The following HDAC2 variants were observed in gnomAD, a reference collection of about 807,000 sequenced individuals.
The protein encoded by HDAC2 is YY1-associated factor 1.
In HDAC2, 5 loss-of-function variants were observed where a neutral mutation model predicts 68.5. That is an observed-to-expected ratio of 0.07 (90% CI 0.04 to 0.15). The LOEUF is 0.15. HDAC2 is among the 10% of genes least tolerant of loss of function. HDAC2 has a pLI of 1.00. For synonymous variants in HDAC2, 182 were observed against 191.3 expected (o/e 0.95, Z 0.40); for missense variants, 291 against 600.8 (o/e 0.48, Z 5.39).
intron 11 of HDAC2, among the ~76,000 whole-genome samples, chr6:113,943,920 T>C (rs533509208): frequency 3.3e-5 from 5 of 152,352 alleles, no homozygotes; most frequent in South Asian, 2.1e-4. Context: ...CATACTGTTA[T>C]GCTACAATCT....
chr6:113,970,604 T>C (rs1047293407), intron 1 of HDAC2: 1 of 1,305,040 alleles, frequency 7.7e-7, no homozygotes, highest in Non-Finnish European at 9.7e-7. Context: ...GGCTGCGGAC[T>C]GCACGGCCGA....
chr6:113,949,322 TTAC>T (rs749738055), intron 6 of HDAC2, 62 bp from the exon 7 acceptor site: 11 of 1,029,092 alleles, frequency 1.1e-5, no homozygotes, highest in Middle Eastern at 2.5e-4. Context: ...TGGCATTTGT[TTAC>T]TACATTTTGA....
chr6:113,940,343 G>GTCTGGTCAATACAAGT lies in HDAC2; in HGVS notation c.*699_*714dup, dbSNP rs1222644082. On this transcript the variant is annotated 3_prime_UTR_variant, in exon 14 of 14. Transcript: ENST00000519065. ...TAAACCAGCAATATACTATAGGCAA[G>GTCTGGTCAATACAAGT]TCTGGTCAATACAAGTTCTGGTCAG... The GTCTGGTCAATACAAGT allele has an allele frequency of 6.6e-6, 1 of 152,184 alleles. No individual in the cohort carries two copies. The highest frequency in any genetic ancestry group is 1.5e-5 in the Non-Finnish European group (1 of 68,020). 9.4% of individuals were successfully genotyped at this position (152,184 alleles called of 1,614,324 possible).
At chr6:113,959,698 T>C (rs1020645807) in intron 2 of HDAC2, 2 of 345,790 alleles carry the variant, frequency 5.8e-6, no homozygotes, top group Admixed American at 9.3e-5. Flanking sequence ...GGGGGAACTT[T>C]TTTAAATGGT....
intron 5 of HDAC2, among the ~76,000 whole-genome samples, chr6:113,954,857 A>G (rs1040864723): frequency 2.6e-5 from 4 of 151,338 alleles, no homozygotes; most frequent in African/African-American, 9.7e-5. Flanking sequence ...AAAATAACTA[A>G]CATTGCGAAC....
At chr6:113,950,352 T>C (rs1174238644) in intron 6 of HDAC2, among the ~76,000 whole-genome samples, 1 of 151,914 alleles carries the variant, frequency 6.6e-6, no homozygotes, top group African/African-American at 2.4e-5. Flanking sequence ...TTAACTGCAA[T>C]ACCAAAGGAT....
At chr6:113,968,554 T>C (rs990092274) in intron 1 of HDAC2, 1 of 152,090 alleles carries the variant, frequency 6.6e-6, no homozygotes, top group Non-Finnish European at 1.5e-5. Context: ...CCCACAAAAA[T>C]TAAAAGAGTA....
chr6:113,971,017 G>C lies in HDAC2; in HGVS notation c.-109C>G. ...GAAAAGGGCTGAGGGAAACGTGGGGGCGATAGTCCCGCGGGGAAGGGCAGG... is the reference window on the plus strand; with the variant it reads ...GAAAAGGGCTGAGGGAAACGTGGGGCCGATAGTCCCGCGGGGAAGGGCAGG... On this transcript the variant is annotated 5_prime_UTR_variant, in exon 1 of 14. Coordinates refer to ENST00000519065, the MANE Select transcript of HDAC2 (RefSeq NM_001527.4). 1.3e-6 allele frequency: 2 copies of C among 1,577,062 alleles called. No individual in the cohort carries two copies. The highest frequency in any genetic ancestry group is 8.6e-7 in the Non-Finnish European group (1 of 1,160,850).
chr6:113,949,874 C>T (rs1035298740), intron 6 of HDAC2, among the ~76,000 whole-genome samples: 1 of 152,074 alleles, frequency 6.6e-6, no homozygotes, highest in African/African-American at 2.4e-5. Flanking sequence ...CTCCGCCTCC[C>T]AGGTTCAAGC....
At chr6:113,951,498 T>C (rs1776415321) in intron 6 of HDAC2, among the ~76,000 whole-genome samples, 1 of 149,618 alleles carries the variant, frequency 6.7e-6, no homozygotes, top group Non-Finnish European at 1.5e-5. Flanking sequence ...GGCTGAGTCT[T>C]GCTGTGTCGC....
rs1293169390 is a variant in HDAC2, at chr6:113,970,986, G to A, written c.-78C>T. ...CTGCTGCTGCCGCCGCGGCTCGGCC[G>A]GGAGAGAAAAGGGCTGAGGGAAACG... On this transcript the variant is annotated 5_prime_UTR_variant, in exon 1 of 14. Coordinates refer to ENST00000519065, the MANE Select transcript of HDAC2 (RefSeq NM_001527.4). The A allele has an allele frequency of 3.8e-6, 6 of 1,572,402 alleles. No homozygotes were observed. Among genetic ancestry groups the A allele is most frequent in the Non-Finnish European group, 5.2e-6 (6 of 1,158,934 alleles).
In HDAC2 at chr6:113,970,988, G is replaced by A. The variant is rs755632737; in HGVS notation, c.-80C>T. On this transcript the variant is annotated 5_prime_UTR_variant, in exon 1 of 14. Coordinates refer to ENST00000519065, the MANE Select transcript of HDAC2 (RefSeq NM_001527.4). ...GCTGCTGCCGCCGCGGCTCGGCCGGGAGAGAAAAGGGCTGAGGGAAACGTG... is the reference window on the plus strand; with the variant it reads ...GCTGCTGCCGCCGCGGCTCGGCCGGAAGAGAAAAGGGCTGAGGGAAACGTG... 1 of 1,573,802 alleles carries A rather than the reference G, an allele frequency of 6.4e-7. No individual in the cohort carries two copies. The highest frequency in any genetic ancestry group is 1.2e-5 in the South Asian group (1 of 86,926).
chr6:113,956,033 A>T lies in HDAC2; in HGVS notation c.477T>A (p.Leu159=). 1 of 1,605,468 alleles carries T rather than the reference A, an allele frequency of 6.2e-7. No homozygotes were observed. Among genetic ancestry groups the T allele is most frequent in the East Asian group, 2.2e-5 (1 of 44,692 alleles). The change falls in exon 5 of 14, where the codon CTT becomes CTA. Residue 159 remains leucine (L), a synonymous_variant. Coordinates refer to ENST00000519065, the MANE Select transcript of HDAC2 (RefSeq NM_001527.4). The part of the protein sequence containing the change: ...SGFCYVNDIV[L]AILELLKYHQ... ...CATACTTTAGTAATTCAAGGATGGC[A>T]AGCACAATATCATTAACGTAACAGA...
chr6:113,942,421 ACT>A (rs1289031382), intron 12 of HDAC2, among the ~76,000 whole-genome samples: 1 of 122,734 alleles, frequency 8.1e-6, no homozygotes, highest in Non-Finnish European at 1.7e-5. Flanking sequence ...TAGATTACTA[ACT>A]CTCTAGTTTA....
rs930289994 is a variant in HDAC2, at chr6:113,936,096, T to C, written c.*4962A>G. 1 of 152,246 alleles carries C rather than the reference T, an allele frequency of 6.6e-6. No homozygotes were observed. The highest frequency in any genetic ancestry group is 2.4e-5 in the African/African-American group (1 of 41,466). 9.4% of individuals were successfully genotyped at this position (152,246 alleles called of 1,614,324 possible). ...GATACACTCTACTGTGTTTTGCAGATGTAAAACTTAGAAATTAGTGTTATA... is the reference window on the plus strand; with the variant it reads ...GATACACTCTACTGTGTTTTGCAGACGTAAAACTTAGAAATTAGTGTTATA... On this transcript the variant is annotated 3_prime_UTR_variant, in exon 14 of 14. Coordinates refer to ENST00000519065, the MANE Select transcript of HDAC2 (RefSeq NM_001527.4).
rs1449351091 is a variant in HDAC2, at chr6:113,936,367, C to T, written c.*4691G>A. 1 of 151,440 alleles carries T rather than the reference C, an allele frequency of 6.6e-6. No homozygotes were observed. Among genetic ancestry groups the T allele is most frequent in the African/African-American group, 2.4e-5 (1 of 41,288 alleles). 9.4% of individuals were successfully genotyped at this position (151,440 alleles called of 1,614,324 possible). A position where few individuals can be genotyped will look rare whatever the true frequency, so the allele number is the denominator to read the frequency against. On this transcript the variant is annotated 3_prime_UTR_variant, in exon 14 of 14. Transcript: ENST00000519065. ...AATGCTGTAATCCTAAACATTTCTC[C>T]GCATTGCTCATGTAAATAGCCAATA...
chr6:113,952,075 G>A lies in HDAC2; in HGVS notation c.639+1202C>T, dbSNP rs939126416. Among the ~76,000 whole-genome samples, 6 of 152,170 alleles carry A rather than the reference G, an allele frequency of 3.9e-5. No individual in the cohort carries two copies. The East Asian group carries it at 7.7e-4, about 20-fold the overall frequency. ...GACAAATGTATTCTATCAGTTTACA[G>A]CAGTGGTTCTCAAACTTTAAGGTGA... On this transcript the variant is annotated intron_variant, in intron 6 of 13. Coordinates refer to ENST00000519065, the MANE Select transcript of HDAC2 (RefSeq NM_001527.4).
Position 113,941,000 on chromosome 6 carries a change from A to G in HDAC2, c.*58T>C. 2 of 1,368,300 alleles carry G rather than the reference A, an allele frequency of 1.5e-6. No individual in the cohort carries two copies. Among genetic ancestry groups the G allele is most frequent in the Non-Finnish European group, 2.1e-6 (2 of 966,834 alleles). The allele number at this position is 1,368,300 out of a possible 1,614,324, so 84.8% of individuals were successfully genotyped here. A position where few individuals can be genotyped will look rare whatever the true frequency, so the allele number is the denominator to read the frequency against. On this transcript the variant is annotated 3_prime_UTR_variant, in exon 14 of 14. Transcript: ENST00000519065. ...AGCCAGAAGTCTTCAAAAAGAAAAC[A>G]TTTTCCTTTCAATATTTTCTTTTTA...
chr6:113,970,039 T>C (rs888108827), intron 1 of HDAC2: 1 of 152,270 alleles, frequency 6.6e-6, no homozygotes, highest in African/African-American at 2.4e-5. Context: ...CACATCTCCC[T>C]ACCACCTCTT....
Sources: gnomAD v4.1 joint callset for allele counts (sites outside exome capture counted in the v4.1 genomes callset) on GRCh38, gnomAD v4.1.1 for gene constraint, MANE v1.5 for transcripts, NCBI Gene and HGNC (gene_info 2026-07-23, HGNC 2026-07-21) for gene names.